The following ULK4 variants were observed in gnomAD, a reference collection of about 807,000 sequenced individuals.
ULK4 encodes the protein inactive serine/threonine-protein kinase ULK4.
ULK4 carries 133 observed loss-of-function variants against 160.6 expected under a neutral mutation model. The ratio of observed to expected loss-of-function variants is 0.83; its 90% CI spans 0.72 to 0.96. ULK4 has a LOEUF of 0.96. ULK4 is among the 40% of genes least tolerant of loss of function. ULK4 has a pLI of 0.00. For missense variants in ULK4, 1,580 were observed against 1,499.5 expected (o/e 1.05, Z -0.89); for synonymous variants, 534 against 539.8 (o/e 0.99, Z 0.15).
intron 22 of ULK4, among the ~76,000 whole-genome samples, chr3:41,729,323 C>T (rs6763578): frequency 0.069 from 10,464 of 152,236 alleles, 1,208 homozygotes; most frequent in African/African-American, 0.23. Context: ...TGAAGAATCT[C>T]GCACTCCTCA....
chr3:41,932,079 T>C (rs553517023), intron 4 of ULK4, 73 bp from the exon 5 acceptor site: 4 of 1,349,654 alleles, frequency 3.0e-6, no homozygotes, highest in South Asian at 1.7e-5. Flanking sequence ...CCTCTTATAA[T>C]TGTACTAAAG....
intron 32 of ULK4, among the ~76,000 whole-genome samples, chr3:41,509,782 A>C (rs1575330877): frequency 6.6e-6 from 1 of 152,210 alleles, no homozygotes; most frequent in East Asian, 1.9e-4. Context: ...TTCTGAGAAA[A>C]CTCAGCACTA....
chr3:41,761,327 T>C (rs71315508), intron 21 of ULK4, among the ~76,000 whole-genome samples: 19,299 of 148,374 alleles, frequency 0.13, 1,531 homozygotes, highest in Admixed American at 0.21. Flanking sequence ...TACTATGTTA[T>C]GTTATATATT....
intron 30 of ULK4, among the ~76,000 whole-genome samples, chr3:41,640,316 C>G (rs773961677): frequency 6.6e-5 from 10 of 152,268 alleles, no homozygotes; most frequent in Admixed American, 1.3e-4. Context: ...AATTGAGAAG[C>G]CTGCCACTGC....
chr3:41,563,198 C>T (rs2087662085), intron 32 of ULK4, among the ~76,000 whole-genome samples: 1 of 152,228 alleles, frequency 6.6e-6, no homozygotes, highest in South Asian at 2.1e-4. Context: ...CCACTCTCTT[C>T]TGGCTTGTAG....
At chr3:41,865,640 C>T (rs2042599146) in intron 17 of ULK4, among the ~76,000 whole-genome samples, 1 of 152,128 alleles carries the variant, frequency 6.6e-6, no homozygotes, top group Non-Finnish European at 1.5e-5. Flanking sequence ...GGGACAACAC[C>T]TGTTTTGCTT....
At chr3:41,417,045 T>A (rs955648051) in intron 34 of ULK4, among the ~76,000 whole-genome samples, 1 of 152,112 alleles carries the variant, frequency 6.6e-6, no homozygotes, top group African/African-American at 2.4e-5. Flanking sequence ...CAGAATGCAT[T>A]AGAGCTAACA....
chr3:41,260,977 G>A (rs534597600), intron 35 of ULK4, among the ~76,000 whole-genome samples: 1 of 152,174 alleles, frequency 6.6e-6, no homozygotes, highest in Non-Finnish European at 1.5e-5. Context: ...ATTCCTCAAG[G>A]TGAAGGAAGC....
At chr3:41,540,896 A>C (rs879378018) in intron 32 of ULK4, among the ~76,000 whole-genome samples, 5 of 151,868 alleles carry the variant, frequency 3.3e-5, no homozygotes, top group Non-Finnish European at 7.4e-5. Flanking sequence ...TTTTCTTGTA[A>C]ATTTGCTAAG....
rs143019768 is a variant in ULK4, at chr3:41,275,085, C to T, written c.3679-25511G>A. Among the ~76,000 whole-genome samples the T allele has an allele frequency of 2.0e-5, 3 of 152,326 alleles. No homozygotes were observed. In the East Asian group the frequency reaches 5.8e-4, roughly 29 times the overall value. ...TGTCCCACAATCCTCATGAGAAAGA[C>T]ACAGGCAATCTTGTACAGCCTGTGG... On this transcript the variant is annotated intron_variant, in intron 35 of 36. Coordinates refer to ENST00000301831, the MANE Select transcript of ULK4 (RefSeq NM_017886.4).
chr3:41,289,610 G>A (rs1280046560), intron 35 of ULK4, among the ~76,000 whole-genome samples: 6 of 152,158 alleles, frequency 3.9e-5, no homozygotes. Context: ...ACATCCCACA[G>A]AACCCTGGGT....
intron 22 of ULK4, among the ~76,000 whole-genome samples, chr3:41,722,167 C>A (rs949627376): frequency 2.6e-5 from 4 of 152,086 alleles, no homozygotes; most frequent in African/African-American, 9.7e-5. Flanking sequence ...CTATCATCAC[C>A]ACCACCAAAC....
intron 31 of ULK4, among the ~76,000 whole-genome samples, chr3:41,578,119 G>A (rs1280357784): frequency 1.3e-5 from 2 of 152,202 alleles, no homozygotes; most frequent in African/African-American, 4.8e-5. Context: ...AGTTTTTGCA[G>A]CAGAAGGCTA....
chr3:41,660,983 T>A (rs2035132408), intron 30 of ULK4, among the ~76,000 whole-genome samples: 1 of 152,198 alleles, frequency 6.6e-6, no homozygotes, highest in South Asian at 2.1e-4. Flanking sequence ...TAGTTTATGT[T>A]TTACTTATAT....
chr3:41,845,695 ATCTC>A (rs746413148), intron 17 of ULK4, among the ~76,000 whole-genome samples: 39 of 152,146 alleles, frequency 2.6e-4, no homozygotes, highest in Non-Finnish European at 4.3e-4. Flanking sequence ...TATACACAGG[ATCTC>A]TCTATTATTT....
At chr3:41,696,168 G>A (rs2036492052) in intron 27 of ULK4, among the ~76,000 whole-genome samples, 1 of 152,192 alleles carries the variant, frequency 6.6e-6, no homozygotes. Flanking sequence ...TGGAAGGCCT[G>A]ACATGAGTCA....
intron 29 of ULK4, among the ~76,000 whole-genome samples, chr3:41,669,016 C>A (rs2035442874): frequency 6.6e-6 from 1 of 151,952 alleles, no homozygotes; most frequent in African/African-American, 2.4e-5. Context: ...TTTTGCAAAT[C>A]AATAAACAAA....
chr3:41,658,728 TACACAC>T (rs748566253), intron 30 of ULK4, among the ~76,000 whole-genome samples: 25 of 84,506 alleles, frequency 3.0e-4, no homozygotes, highest in Admixed American at 5.6e-4. Context: ...TGAAAAACAG[TACACAC>T]ACACACACAC....
Position 41,715,453 on chromosome 3 carries a change from AG to A in ULK4, c.2570del (p.Thr857IlefsTer10). On this transcript the variant is annotated frameshift_variant, in exon 24 of 37. Transcript: ENST00000301831. LOFTEE classifies it high-confidence loss of function. ...PLMPVVLHLV[T>X]SQVFRPQVVT... is the part of the protein sequence containing the mutation. ...CTCCTCAATACAATAGTACCTGTGA[AG>A]TTACGAGGTGAAGCACTACAGGCAT... is the stretch of plus-strand genomic sequence containing the variant. The A allele has an allele frequency of 6.2e-7, 1 of 1,614,190 alleles. No homozygotes were observed.
Sources: gnomAD v4.1 joint callset for allele counts (sites outside exome capture counted in the v4.1 genomes callset) on GRCh38, gnomAD v4.1.1 for gene constraint, MANE v1.5 for transcripts, NCBI Gene and HGNC (gene_info 2026-07-23, HGNC 2026-07-21) for gene names.